Variants in SIPA1L2 observed in about 807,000 individuals in gnomAD.
The protein encoded by SIPA1L2 is signal induced proliferation associated 1 like 2.
SIPA1L2 carries 56 observed loss-of-function variants against 163.9 expected under a neutral mutation model. The ratio of observed to expected loss-of-function variants is 0.34; its 90% CI spans 0.28 to 0.43. The LOEUF (loss-of-function observed/expected upper bound fraction) is 0.43. Ranked by LOEUF, SIPA1L2 falls within the 20% of genes least tolerant of loss-of-function variation. SIPA1L2 has a pLI of 1.00. For missense variants in SIPA1L2, 1,974 were observed against 2,193.5 expected (o/e 0.90, Z 2.00); for synonymous variants, 877 against 865.7 (o/e 1.01, Z -0.23).
chr1:232,448,005 G>A (rs1017293799), intron 10 of SIPA1L2, among the ~76,000 whole-genome samples: 2 of 152,322 alleles, frequency 1.3e-5, no homozygotes, highest in Admixed American at 6.5e-5. Context: ...GAAAACCTGA[G>A]TGTCCATCAT....
intron 10 of SIPA1L2, among the ~76,000 whole-genome samples, chr1:232,450,770 T>G (rs1463726450): frequency 6.6e-6 from 1 of 152,220 alleles, no homozygotes; most frequent in Admixed American, 6.5e-5. Flanking sequence ...TTCATGCCCA[T>G]AGACTGTAGT....
At chr1:232,480,967 C>T (rs1273025204) in intron 6 of SIPA1L2, among the ~76,000 whole-genome samples, 3 of 152,064 alleles carry the variant, frequency 2.0e-5, no homozygotes, top group African/African-American at 7.2e-5. Context: ...AAAAAATATC[C>T]TATAGAGTTC....
intron 1 of SIPA1L2, among the ~76,000 whole-genome samples, chr1:232,601,981 T>C (rs1292662337): frequency 1.3e-5 from 2 of 152,170 alleles, no homozygotes; most frequent in South Asian, 4.1e-4. Flanking sequence ...TTTTAAAAAT[T>C]ATTTCAGAGG....
At chr1:232,446,115 C>T (rs1374331856) in intron 10 of SIPA1L2, among the ~76,000 whole-genome samples, 1 of 152,184 alleles carries the variant, frequency 6.6e-6, no homozygotes, top group African/African-American at 2.4e-5. Flanking sequence ...AATGTTCCAA[C>T]TACCAATGCG....
At chr1:232,399,633 T>C (rs999794922) in intron 22 of SIPA1L2, among the ~76,000 whole-genome samples, 1 of 152,136 alleles carries the variant, frequency 6.6e-6, no homozygotes, top group Non-Finnish European at 1.5e-5. Flanking sequence ...ACTTTCTAAG[T>C]AGAAAATTGG....
Position 232,399,150 on chromosome 1 carries a change from T to C in SIPA1L2, c.5146A>G (p.Thr1716Ala). 1 of 1,614,122 alleles carries C rather than the reference T, an allele frequency of 6.2e-7. No homozygotes were observed. The highest frequency in any genetic ancestry group is 1.7e-5 in the Admixed American group (1 of 60,002). The change falls in exon 23 of 23, where the codon ACC becomes GCC. Residue 1716 changes from threonine (T) to alanine (A), a missense_variant. Coordinates refer to ENST00000674635, the MANE Select transcript of SIPA1L2 (RefSeq NM_020808.5). ...GGCTAAGATTTTTTGTCGATGGTGG[T>C]GAAAAACCATTCTGTGAATTTCCGC... ...QLRKFTEWFF[T>A]TIDKKS
At chr1:232,443,764 A>C in intron 11 of SIPA1L2, 79 bp from the exon 12 acceptor site, 1 of 1,043,798 alleles carries the variant, frequency 9.6e-7, no homozygotes, top group South Asian at 1.7e-5. Context: ...TTGTTTCACA[A>C]ATAAATATAC....
chr1:232,440,355 C>T (rs1439949288), intron 14 of SIPA1L2, among the ~76,000 whole-genome samples: 1 of 152,174 alleles, frequency 6.6e-6, no homozygotes, highest in Admixed American at 6.5e-5. Flanking sequence ...AGTGGTTTGG[C>T]CTTATCTTTT....
Position 232,402,410 on chromosome 1 carries a change from G to C in SIPA1L2, c.5004C>G (p.Leu1668=). ...TGATTACCTTCCGAAGGTCGGTCTG[G>C]AGTTGTCGAAGAATTAATTCCAGCT... ...VNQLELILRQ[L]QTDLRKEKQD... is the part of the protein sequence containing the mutation. The change falls in exon 22 of 23, where the codon CTC becomes CTG. Residue 1668 remains leucine, a synonymous_variant. Transcript: ENST00000674635. 3.1e-6 allele frequency: 5 copies of C among 1,613,590 alleles called. No homozygotes were observed. The highest frequency in any genetic ancestry group is 4.2e-6 in the Non-Finnish European group (5 of 1,179,572).
At chr1:232,608,125 C>A (rs1573168507) in intron 1 of SIPA1L2, among the ~76,000 whole-genome samples, 1 of 150,510 alleles carries the variant, frequency 6.6e-6, no homozygotes, top group East Asian at 2.0e-4. Context: ...CAGCTCACCA[C>A]AACTTCCACC....
intron 9 of SIPA1L2, among the ~76,000 whole-genome samples, chr1:232,463,985 C>T (rs976527714): frequency 2.6e-5 from 4 of 151,816 alleles, no homozygotes; most frequent in African/African-American, 7.3e-5. Flanking sequence ...GGAAAGGGGG[C>T]AAGAAATGGA....
intron 19 of SIPA1L2, among the ~76,000 whole-genome samples, chr1:232,413,052 C>A (rs1216148471): frequency 1.3e-5 from 2 of 152,198 alleles, no homozygotes; most frequent in African/African-American, 2.4e-5. Context: ...TCTGTGCCAA[C>A]TACCACCCAT....
At chr1:232,559,057 C>T (rs1303497761) in intron 2 of SIPA1L2, among the ~76,000 whole-genome samples, 1 of 152,148 alleles carries the variant, frequency 6.6e-6, no homozygotes, top group Non-Finnish European at 1.5e-5. Flanking sequence ...CTCATCCCAC[C>T]GGTGGGTGGG....
chr1:232,465,530 A>T lies in SIPA1L2; in HGVS notation c.2244-114T>A. ...CACACATATACATACACACACACAC[A>T]CACATATACATACACACATACACAC... On this transcript the variant is annotated intron_variant, in intron 8 of 22. Coordinates refer to ENST00000674635, the MANE Select transcript of SIPA1L2 (RefSeq NM_020808.5). The surrounding 1 kb of genome is among the most constrained non-coding windows in gnomAD (Gnocchi z 4.1). The T allele has an allele frequency of 1.2e-6, 1 of 852,262 alleles. No homozygotes were observed. Among genetic ancestry groups the T allele is most frequent in the African/African-American group, 1.7e-5 (1 of 57,602 alleles). 52.8% of individuals were successfully genotyped at this position (852,262 alleles called of 1,614,324 possible).
intron 15 of SIPA1L2, 73 bp downstream of exon 15, chr1:232,439,035 C>T (rs1004268376): frequency 1.5e-5 from 22 of 1,489,724 alleles, no homozygotes; most frequent in Middle Eastern, 4.1e-4. Flanking sequence ...ACAGTTCAGG[C>T]TTCTGCCCTA....
intron 2 of SIPA1L2, among the ~76,000 whole-genome samples, chr1:232,515,867 C>G (rs549877439): frequency 6.6e-6 from 1 of 152,268 alleles, no homozygotes; most frequent in South Asian, 2.1e-4. Context: ...TGCATCTAAG[C>G]AAAGAATGTT....
intron 22 of SIPA1L2, among the ~76,000 whole-genome samples, chr1:232,400,788 T>A (rs1660291066): frequency 2.0e-5 from 3 of 152,114 alleles, no homozygotes; most frequent in African/African-American, 7.2e-5. Context: ...CTCTCAGTGA[T>A]CTTCAAACCC....
chr1:232,477,633 A>T (rs148509220), intron 7 of SIPA1L2, among the ~76,000 whole-genome samples: 1 of 152,130 alleles, frequency 6.6e-6, no homozygotes, highest in Non-Finnish European at 1.5e-5. Flanking sequence ...TCTATCCCCC[A>T]GTTGCATCTA....
intron 5 of SIPA1L2, among the ~76,000 whole-genome samples, chr1:232,488,242 C>T (rs971761373): frequency 5.9e-5 from 9 of 152,096 alleles, no homozygotes; most frequent in African/African-American, 1.4e-4. Flanking sequence ...CATGAGCTAC[C>T]GCGCCCAGCC....
Sources: allele counts gnomAD v4.1 joint callset (sites outside exome capture counted in the v4.1 genomes callset), GRCh38; gene constraint gnomAD v4.1.1; non-coding constraint Gnocchi (gnomAD v3.1); transcripts MANE v1.5; gene names NCBI Gene and HGNC (gene_info 2026-07-23, HGNC 2026-07-21).